IQCN: variants seen among roughly 807,000 people sequenced by gnomAD.
IQCN encodes IQ domain-containing protein N.
Under a neutral mutation model 64.4 loss-of-function variants are expected in IQCN, and 46 were observed. The ratio of observed to expected loss-of-function variants is 0.71; its 90% confidence interval spans 0.56 to 0.91. The LOEUF (loss-of-function observed/expected upper bound fraction) is 0.91, where lower values mean the gene tolerates loss of function less well. Among genes scored for constraint, IQCN ranks in the 40% least tolerant of loss-of-function variants. IQCN has a pLI of 0.00. For missense variants in IQCN, 1,753 were observed against 1,857.4 expected, an observed-to-expected ratio of 0.94 and a Z score of 1.03; for synonymous variants, 733 against 775.6, an observed-to-expected ratio of 0.95 and a Z score of 0.91.
Position 18,264,956 on chromosome 19 carries a change from G to A in IQCN, c.2584C>T (p.Pro862Ser), listed in dbSNP as rs1035007643. 18 of 1,610,696 alleles carry A rather than the reference G, an allele frequency of 1.1e-5. No homozygotes were observed. In the African/African-American group the frequency reaches 1.3e-4, roughly 12 times the overall value. The change falls in exon 3 of 4, where the codon CCC (proline) becomes TCC (serine). Residue 862 changes from proline (P) to serine (S), a missense_variant. Physicochemically the swap from Pro to Ser is moderately conservative, Grantham distance 74. Transcript: ENST00000392413. The surrounding 1 kb of genome is among the most constrained non-coding windows in gnomAD (Gnocchi z 4.3). ...NGATRAQPSM[P>S]GQAVPCQEDT... ...TCCTGGCAGGGCACCGCCTGGCCGGGCATTGATGGCTGGGCACGTGTGGCT... is the reference window on the plus strand; with the variant it reads ...TCCTGGCAGGGCACCGCCTGGCCGGACATTGATGGCTGGGCACGTGTGGCT...
chr19:18,263,150 C>T (rs573414919), intron 3 of IQCN, among the ~76,000 whole-genome samples: 3 of 152,276 alleles, frequency 2.0e-5, no homozygotes, highest in South Asian at 2.1e-4. Flanking sequence ...CCATGGACTC[C>T]GGAGGAAAAA....
chr19:18,273,523 G>C (rs1043516416), intron 1 of IQCN, among the ~76,000 whole-genome samples: 2 of 151,906 alleles, frequency 1.3e-5, no homozygotes, highest in South Asian at 4.1e-4. Context: ...GTGGAAATGG[G>C]GTTTCTCCAT....
chr19:18,264,450 C>T lies in IQCN; in HGVS notation c.3090G>A (p.Thr1030=), dbSNP rs1465938410. ...TGCAGGCCACCTTCACCAGGGCCGGCGTCTTAGTCACCCCGCTTCCTGTTG... is the reference window on the plus strand; with the variant it reads ...TGCAGGCCACCTTCACCAGGGCCGGTGTCTTAGTCACCCCGCTTCCTGTTG... ...SKSTGSGVTK[T]PALVKVACRR... The change falls in exon 3 of 4, where the codon ACG becomes ACA. Residue 1030 remains threonine, a synonymous_variant. Transcript: ENST00000392413. This position sits in a 1 kb window ranked among gnomAD's most constrained non-coding sequence, Gnocchi z 4.3. The T allele has an allele frequency of 6.4e-7, 1 of 1,550,902 alleles. No individual in the cohort carries two copies. Among genetic ancestry groups the T allele is most frequent in the East Asian group, 2.4e-5 (1 of 40,912 alleles).
intron 2 of IQCN, among the ~76,000 whole-genome samples, chr19:18,268,395 G>A (rs1366563753): frequency 6.6e-6 from 1 of 151,922 alleles, no homozygotes; most frequent in African/African-American, 2.4e-5. Context: ...AATGGTGAGT[G>A]GATTGGAAGT....
rs1568279662 is a variant in IQCN at position 18,265,817 on chromosome 19, A to G, written c.1723T>C (p.Leu575=). 2 of 1,614,020 alleles carry G rather than the reference A, an allele frequency of 1.2e-6. No homozygotes were observed. Among genetic ancestry groups the G allele is most frequent in the Non-Finnish European group, 8.5e-7 (1 of 1,180,006 alleles). ...AGGCACCTGATCTTCCCCTCAGCCA[A>G]ATAGGAGGGGGATGAGGCTTTCACC... is the stretch of plus-strand genomic sequence containing the variant. The part of the protein sequence containing the change: ...KVVKASSPSY[L]AEGKIRCLAQ... The change falls in exon 3 of 4, where the codon TTG becomes CTG. Residue 575 remains leucine, a synonymous_variant. Transcript: ENST00000392413. The surrounding 1 kb of genome is among the most constrained non-coding windows in gnomAD (Gnocchi z 4.7).
chr19:18,261,054 T>A (rs1969416489), intron 3 of IQCN: 1 of 151,360 alleles, frequency 6.6e-6, no homozygotes, highest in Non-Finnish European at 1.5e-5. Flanking sequence ...CATAGATGCA[T>A]GAGCTCTGCT....
In IQCN at chr19:18,257,371, T is replaced by C; in HGVS notation, c.3913A>G (p.Thr1305Ala). The C allele has an allele frequency of 1.2e-6, 2 of 1,612,022 alleles. No homozygotes were observed. Among genetic ancestry groups the C allele is most frequent in the Non-Finnish European group, 1.7e-6 (2 of 1,179,696 alleles). The change falls in exon 4 of 4, where the codon ACA becomes GCA. Residue 1305 changes from threonine (T) to alanine (A), a missense_variant. Coordinates refer to ENST00000392413, the MANE Select transcript of IQCN (RefSeq NM_001145304.2). ...RQPHRQDKAA[T>A]AIQSAWRGFK... ...CCCCTCCAGGCGGACTGGATGGCTG[T>C]GGCCGCTTTGTCCTGGCGATGCGGC...
chr19:18,265,914 G>T lies in IQCN; in HGVS notation c.1626C>A (p.Asn542Lys). 1 of 1,614,246 alleles carries T rather than the reference G, an allele frequency of 6.2e-7. No individual in the cohort carries two copies. The highest frequency in any genetic ancestry group is 8.5e-7 in the Non-Finnish European group (1 of 1,180,034). The change falls in exon 3 of 4, where the codon AAC (asparagine) becomes AAA (lysine). Residue 542 changes from asparagine (N) to lysine (K), a missense_variant. Physicochemically the swap from Asn to Lys is moderately conservative, Grantham distance 94 (BLOSUM62 0). Coordinates refer to ENST00000392413, the MANE Select transcript of IQCN (RefSeq NM_001145304.2). The surrounding 1 kb of genome is among the most constrained non-coding windows in gnomAD (Gnocchi z 4.7). ...PQVAVAAGTP[N>K]TSGSIHENPP... Reference sequence around the variant, plus strand: ...GGTTCTCATGGATGGAGCCTGAGGTGTTGGGAGTTCCGGCTGCTACCGCCA... The same window carrying T: ...GGTTCTCATGGATGGAGCCTGAGGTTTTGGGAGTTCCGGCTGCTACCGCCA...
In IQCN at chr19:18,266,351, T is replaced by C. The variant is rs1236118491; in HGVS notation, c.1189A>G (p.Met397Val). 2.5e-6 allele frequency: 4 copies of C among 1,612,480 alleles called. No homozygotes were observed. The highest frequency in any genetic ancestry group is 2.2e-5 in the East Asian group (1 of 44,864). Reference protein sequence around the residue: ...VTKTAPHTCPMPTMTKIQVHP... With the variant: ...VTKTAPHTCPVPTMTKIQVHP... ...ACCTGGATCTTGGTCATTGTGGGCA[T>C]GGGGCATGTGTGAGGTGCAGTTTTG... is the stretch of plus-strand genomic sequence containing the variant. Residue 397 changes from methionine to valine, a missense_variant, in exon 3 of 4, where the codon ATG becomes GTG. Coordinates refer to ENST00000392413, the MANE Select transcript of IQCN (RefSeq NM_001145304.2). This position sits in a 1 kb window ranked among gnomAD's most constrained non-coding sequence, Gnocchi z 4.3.
Position 18,267,408 on chromosome 19 carries a change from C to T in IQCN, c.132G>A (p.Leu44=), listed in dbSNP as rs773541149. 23 of 1,593,076 alleles carry T rather than the reference C, an allele frequency of 1.4e-5. No individual in the cohort carries two copies. Among genetic ancestry groups the T allele is most frequent in the East Asian group, 2.2e-5 (1 of 44,716 alleles). The change falls in exon 3 of 4, where the codon CTG becomes CTA. Residue 44 remains leucine (L), a synonymous_variant. Coordinates refer to ENST00000392413, the MANE Select transcript of IQCN (RefSeq NM_001145304.2). ...GTGGAGGCGCTTTCTCCATTTTGTC[C>T]AGGAGACTGGGGTGAGCGGGGGCTG... ...HPPAPAHPSL[L]DKMEKAPPQP... is the part of the protein sequence containing the mutation.
rs779045521 is a variant in IQCN at position 18,265,197 on chromosome 19, G to T, written c.2343C>A (p.Ser781=). The change falls in exon 3 of 4, where the codon TCC becomes TCA. Residue 781 remains serine, a synonymous_variant. Coordinates refer to ENST00000392413, the MANE Select transcript of IQCN (RefSeq NM_001145304.2). This position sits in a 1 kb window ranked among gnomAD's most constrained non-coding sequence, Gnocchi z 4.7. Reference sequence around the variant, plus strand: ...CACCGAGGCGCTGGCAGGCGTGGTTGGACACCTTGGACCCTGTTAGGAGCA... The same window carrying T: ...CACCGAGGCGCTGGCAGGCGTGGTTTGACACCTTGGACCCTGTTAGGAGCA... ...SQVLLTGSKV[S]NHACQRLGGL... is the part of the protein sequence containing the mutation. 1.9e-6 allele frequency: 3 copies of T among 1,611,152 alleles called. No individual in the cohort carries two copies. The highest frequency in any genetic ancestry group is 1.7e-5 in the Admixed American group (1 of 60,038).
chr19:18,271,103 T>C (rs1187184485), intron 1 of IQCN, among the ~76,000 whole-genome samples: 1 of 138,794 alleles, frequency 7.2e-6, no homozygotes, highest in African/African-American at 2.8e-5. Context: ...ACCCGAGAGA[T>C]GGAGATTGCA....
In IQCN at chr19:18,266,390, C is replaced by G; in HGVS notation, c.1150G>C (p.Gly384Arg). 1 of 1,603,952 alleles carries G rather than the reference C, an allele frequency of 6.2e-7. No individual in the cohort carries two copies. The highest frequency in any genetic ancestry group is 8.5e-7 in the Non-Finnish European group (1 of 1,175,398). The change falls in exon 3 of 4, where the codon GGG becomes CGG. Residue 384 changes from glycine to arginine, a missense_variant. Physicochemically the swap from Gly to Arg is moderately radical, Grantham distance 125. Coordinates refer to ENST00000392413, the MANE Select transcript of IQCN (RefSeq NM_001145304.2). This position sits in a 1 kb window ranked among gnomAD's most constrained non-coding sequence, Gnocchi z 4.3. ...IIKTPAQMYPGPTVTKTAPHT... is the reference protein window; with the variant it reads ...IIKTPAQMYPRPTVTKTAPHT... ...GGTGCAGTTTTGGTCACTGTGGGCC[C>G]CGGATACATCTGGGCTGGGGTCTTG...
chr19:18,259,555 C>T (rs1393287978), intron 3 of IQCN: 1 of 152,284 alleles, frequency 6.6e-6, no homozygotes, highest in Non-Finnish European at 1.5e-5. Context: ...GAGGTTATGC[C>T]ACCAGGCAGA....
At chr19:18,258,401 T>G (rs3810434) in intron 3 of IQCN, 170,211 of 640,668 alleles carry the variant, frequency 0.27, 23,268 homozygotes, top group Admixed American at 0.37. Context: ...GCACATACTG[T>G]AAGGGCCTAA....
In IQCN at chr19:18,265,306, C is replaced by T. The variant is rs745707956; in HGVS notation, c.2234G>A (p.Arg745Gln). 46 of 1,613,980 alleles carry T rather than the reference C, an allele frequency of 2.9e-5. No individual in the cohort carries two copies. Among genetic ancestry groups the T allele is most frequent in the South Asian group, 1.8e-4 (16 of 91,080 alleles). Residue 745 changes from arginine (R) to glutamine (Q), a missense_variant, in exon 3 of 4, where the codon CGG becomes CAG. Coordinates refer to ENST00000392413, the MANE Select transcript of IQCN (RefSeq NM_001145304.2). This position sits in a 1 kb window ranked among gnomAD's most constrained non-coding sequence, Gnocchi z 4.7. ...LATCLTKTQS[R>Q]GQPITDITTC... ...GGTTATGTCTGTGATCGGCTGCCCCCGGGACTGCGTCTTGGTCAGACAGGT... is the reference window on the plus strand; with the variant it reads ...GGTTATGTCTGTGATCGGCTGCCCCTGGGACTGCGTCTTGGTCAGACAGGT...
intron 3 of IQCN, chr19:18,258,422 A>G (rs1164857422): frequency 3.3e-6 from 2 of 599,506 alleles, no homozygotes; most frequent in East Asian, 7.3e-5. Flanking sequence ...CCCTGGCCAC[A>G]GAACTTTCTA....
rs749615907 is a variant in IQCN, at chr19:18,265,618, C to G, written c.1922G>C (p.Gly641Ala). The G allele has an allele frequency of 9.9e-6, 16 of 1,613,954 alleles. No individual in the cohort carries two copies. Among genetic ancestry groups the G allele is most frequent in the Non-Finnish European group, 1.3e-5 (15 of 1,180,006 alleles). ...CACATACACGTGAGGTGGCTTGTCC[C>G]CTTCCTCAGCAACTTTTGTCCAGGA... The part of the protein sequence containing the change: ...APSWTKVAEE[G>A]DKPPHVYVPV... Residue 641 changes from glycine to alanine, a missense_variant, in exon 3 of 4, where the codon GGG becomes GCG. Physicochemically the swap from Gly to Ala is moderately conservative, Grantham distance 60. Transcript: ENST00000392413. The surrounding 1 kb of genome is among the most constrained non-coding windows in gnomAD (Gnocchi z 4.7).
At position 18,265,869 on chromosome 19, in the gene IQCN, G is replaced by T. The variant is rs140090351; in HGVS notation, c.1671C>A (p.Thr557=). The part of the protein sequence containing the change: ...IHENPPKAKA[T]VNVKQAAKVV... ...CCTTTGCAGCCTGCTTCACATTCAC[G>T]GTGGCCTTGGCCTTGGGTGGGTTCT... The change falls in exon 3 of 4, where the codon ACC becomes ACA. Residue 557 remains threonine (T), a synonymous_variant. Transcript: ENST00000392413. The surrounding 1 kb of genome is among the most constrained non-coding windows in gnomAD (Gnocchi z 4.7). 6.2e-7 allele frequency: 1 copy of T among 1,614,120 alleles called. No individual in the cohort carries two copies. Among genetic ancestry groups the T allele is most frequent in the Non-Finnish European group, 8.5e-7 (1 of 1,179,994 alleles).
Sources: gnomAD v4.1 joint callset for allele counts (sites outside exome capture counted in the v4.1 genomes callset) on GRCh38, gnomAD v4.1.1 for gene constraint, Gnocchi (gnomAD v3.1) non-coding constraint, MANE v1.5 for transcripts, NCBI Gene and HGNC (gene_info 2026-07-23, HGNC 2026-07-21) for gene names.